Variants in SH3KBP1 observed in about 807,000 individuals in gnomAD.
SH3KBP1 encodes the protein SH3 domain containing kinase binding protein 1, also known as SH3 domain-containing kinase-binding protein 1.
SH3KBP1 carries 8 observed loss-of-function variants against 50.1 expected under a neutral mutation model. The observed-to-expected ratio is 0.16, with a 90% CI of 0.09 to 0.29. SH3KBP1 has a LOEUF of 0.29. Ranked by LOEUF, SH3KBP1 falls within the 10% of genes least tolerant of loss-of-function variation. The pLI is 1.00. For synonymous variants in SH3KBP1, 227 were observed against 218.6 expected, an observed-to-expected ratio of 1.04 and a Z score of -0.34; for missense variants, 377 against 535.2, an observed-to-expected ratio of 0.70 and a Z score of 2.92.
intron 1 of SH3KBP1, among the ~76,000 whole-genome samples, chrX:19,876,825 A>C (rs1396680960): frequency 9.0e-6 from 1 of 111,264 alleles, no homozygotes; most frequent in Non-Finnish European, 1.9e-5. Flanking sequence ...CTATTCCAAA[A>C]ACTAACTTTA....
intron 12 of SH3KBP1, among the ~76,000 whole-genome samples, chrX:19,579,138 G>T (rs58446270): frequency 0.085 from 9,472 of 111,754 alleles, 999 homozygotes; most frequent in African/African-American, 0.29. Flanking sequence ...CAAACAAGCT[G>T]GGCTATTTAT....
intron 8 of SH3KBP1, among the ~76,000 whole-genome samples, chrX:19,621,557 G>T (rs2067840917): frequency 9.1e-6 from 1 of 110,408 alleles, no homozygotes; most frequent in Non-Finnish European, 1.9e-5. Flanking sequence ...TTTCTCTATG[G>T]TCCACAAACT....
In SH3KBP1 at chrX:19,879,981, C is replaced by G. The variant is rs1446142440; in HGVS notation, c.4+7326G>C. ...GCATCGTAGGATGTTTAGCAGCACCCCTGACCTCCACCTAGTAGATGCCAG... is the reference window on the plus strand; with the variant it reads ...GCATCGTAGGATGTTTAGCAGCACCGCTGACCTCCACCTAGTAGATGCCAG... On this transcript the variant is annotated intron_variant, in intron 1 of 17. Coordinates refer to ENST00000397821, the MANE Select transcript of SH3KBP1 (RefSeq NM_031892.3). 2.7e-5 allele frequency among the ~76,000 whole-genome samples: 3 copies of G among 112,063 alleles called. No homozygotes were observed. The Admixed American group carries it at 2.8e-4, about 11-fold the overall frequency.
In SH3KBP1 at chrX:19,549,971, T is replaced by C. The variant is rs1213246470; in HGVS notation, c.1494+3A>G. The C allele has an allele frequency of 1.5e-5, 17 of 1,167,481 alleles. No homozygotes were observed. The highest frequency in any genetic ancestry group is 2.0e-5 in the Non-Finnish European group (17 of 857,929). On this transcript the variant is annotated splice_donor_region_variant and intron_variant, in intron 14 of 17. Coordinates refer to ENST00000397821, the MANE Select transcript of SH3KBP1 (RefSeq NM_031892.3). ...GGAACATACAGTTTGAGGAGACACT[T>C]ACAGATGTGAGGGACTGGGACGGAG... is the stretch of plus-strand genomic sequence containing the variant.
intron 1 of SH3KBP1, among the ~76,000 whole-genome samples, chrX:19,850,525 T>C (rs939997384): frequency 8.9e-6 from 1 of 111,732 alleles, no homozygotes; most frequent in African/African-American, 3.3e-5. Flanking sequence ...AAAAGTGTGT[T>C]CTACACCAGA....
At chrX:19,703,972 T>A (rs187083907) in intron 4 of SH3KBP1, among the ~76,000 whole-genome samples, 27 of 110,606 alleles carry the variant, frequency 2.4e-4, no homozygotes, top group African/African-American at 6.9e-4. Flanking sequence ...AGGAGCTACA[T>A]TTAGCATTTA....
chrX:19,819,818 A>G (rs1044179641), intron 2 of SH3KBP1, among the ~76,000 whole-genome samples: 4 of 111,436 alleles, frequency 3.6e-5, no homozygotes, highest in African/African-American at 1.3e-4. Context: ...TTGATCTGAG[A>G]ACATTCCTCC....
At chrX:19,550,723 G>C (rs762177639) in intron 13 of SH3KBP1, among the ~76,000 whole-genome samples, 2 of 110,875 alleles carry the variant, frequency 1.8e-5, no homozygotes, top group Non-Finnish European at 3.8e-5. Context: ...TACTGTGTAA[G>C]GACAGGATGA....
chrX:19,561,838 T>C (rs2065689646), intron 13 of SH3KBP1, among the ~76,000 whole-genome samples: 2 of 102,961 alleles, frequency 1.9e-5, no homozygotes, highest in African/African-American at 7.5e-5. Context: ...TTTTGATAAA[T>C]GAGCCTGTGA....
Position 19,831,300 on chromosome X carries a change from C to T in SH3KBP1, c.162+4825G>A, listed in dbSNP as rs1016805229. 1.4e-4 allele frequency among the ~76,000 whole-genome samples: 15 copies of T among 107,892 alleles called. 1 individual carries two copies. The highest frequency in any genetic ancestry group is 5.9e-4 in the Admixed American group (6 of 10,113). The allele number at this position is 107,892 out of a possible 115,157, so 93.7% of individuals were successfully genotyped here. On this transcript the variant is annotated intron_variant, in intron 2 of 17. Transcript: ENST00000397821. ...TGTGTGGTGGTGTGCACCTATAGTC[C>T]CAGCTAGTCAGGAGGCTGAGGTGGG...
chrX:19,627,969 T>C, intron 8 of SH3KBP1, among the ~76,000 whole-genome samples: 1 of 112,627 alleles, frequency 8.9e-6, no homozygotes, highest in Admixed American at 9.4e-5. Context: ...CAGATCATGG[T>C]GAAACCATTC....
intron 6 of SH3KBP1, 67 bp from the exon 7 acceptor site, chrX:19,645,542 C>G: frequency 1.1e-6 from 1 of 874,178 alleles, no homozygotes. Flanking sequence ...GGAATAAGAT[C>G]CAGATCATAA....
chrX:19,739,014 G>GGAAAAAAAAAAAAAAAAAA (rs1226478317), intron 3 of SH3KBP1, among the ~76,000 whole-genome samples: 1 of 22,463 alleles, frequency 4.5e-5, no homozygotes, highest in African/African-American at 1.5e-4. Context: ...CTGCCTCCAA[G>GGAAAAAAAAAAAAAAAAAA]AAAAAAAAAA....
intron 12 of SH3KBP1, among the ~76,000 whole-genome samples, chrX:19,573,646 T>C (rs1448968766): frequency 1.8e-5 from 2 of 111,588 alleles, no homozygotes; most frequent in Non-Finnish European, 3.8e-5. Context: ...GCTCATGTTC[T>C]CTCTCCTTTC....
intron 9 of SH3KBP1, among the ~76,000 whole-genome samples, chrX:19,597,906 T>C (rs2066955319): frequency 3.5e-5 from 4 of 113,047 alleles, no homozygotes; most frequent in South Asian, 3.6e-4. Flanking sequence ...GGCTGTTTCA[T>C]CAATGGAAAA....
intron 6 of SH3KBP1, among the ~76,000 whole-genome samples, chrX:19,675,078 CAAATAAAT>C (rs112493377): frequency 2.5e-4 from 27 of 106,671 alleles, no homozygotes; most frequent in African/African-American, 3.9e-4. Context: ...GACCCTGCCT[CAAATAAAT>C]AAATAAATAA....
chrX:19,710,469 T>C (rs2063750668), intron 3 of SH3KBP1, among the ~76,000 whole-genome samples: 1 of 112,190 alleles, frequency 8.9e-6, no homozygotes, highest in Non-Finnish European at 1.9e-5. Flanking sequence ...TTACATCATG[T>C]AGGCATTTTA....
intron 1 of SH3KBP1, among the ~76,000 whole-genome samples, chrX:19,842,639 C>T (rs1390043186): frequency 8.9e-6 from 1 of 112,174 alleles, no homozygotes; most frequent in Non-Finnish European, 1.9e-5. Flanking sequence ...AGCAGGAGAA[C>T]ACTCCCCATG....
intron 1 of SH3KBP1, among the ~76,000 whole-genome samples, chrX:19,861,267 C>T (rs2068768829): frequency 9.1e-6 from 1 of 109,544 alleles, no homozygotes; most frequent in Admixed American, 9.7e-5. Context: ...GTCCCAGCTA[C>T]TCGGGAGGCT....
Sources: allele counts gnomAD v4.1 joint callset (sites outside exome capture counted in the v4.1 genomes callset), GRCh38; gene constraint gnomAD v4.1.1; transcripts MANE v1.5; gene names NCBI Gene and HGNC (gene_info 2026-07-23, HGNC 2026-07-21).